Variants in RALGPS1 observed in about 807,000 individuals in gnomAD.
RALGPS1 encodes the protein ras-specific guanine nucleotide-releasing factor RalGPS1.
RALGPS1 carries 19 observed loss-of-function variants against 78.8 expected under a neutral mutation model. The ratio of observed to expected loss-of-function variants is 0.24; its 90% CI spans 0.17 to 0.35. RALGPS1 has a LOEUF of 0.35. Ranked by LOEUF, RALGPS1 falls within the 10% of genes least tolerant of loss-of-function variation. The probability of loss-of-function intolerance (pLI) is 1.00; values close to 1 mark genes in which losing one functional copy is unlikely to be tolerated. For synonymous variants in RALGPS1, 228 were observed against 256.3 expected (o/e 0.89, Z 1.06); for missense variants, 454 against 688.3 (o/e 0.66, Z 3.81).
rs143101643 is a variant in RALGPS1, at chr9:127,180,795, G to T, written c.910+6013G>T. On this transcript the variant is annotated intron_variant, in intron 11 of 18. Transcript: ENST00000259351. ...TTTTATTACATGCATAGACTCTGTC[G>T]GTCAGGAAGCTGAACAGGGCTCCGG... Among the ~76,000 whole-genome samples the T allele has an allele frequency of 3.9e-5, 6 of 152,330 alleles. No individual in the cohort carries two copies. In the South Asian group the frequency reaches 8.3e-4, roughly 21 times the overall value.
At chr9:127,001,654 G>A (rs1373820251) in intron 4 of RALGPS1, among the ~76,000 whole-genome samples, 1 of 152,078 alleles carries the variant, frequency 6.6e-6, no homozygotes, top group Non-Finnish European at 1.5e-5. Flanking sequence ...GGGAGGCTGA[G>A]TTGGGTGGAT....
At chr9:127,008,031 G>C (rs1386346292) in intron 4 of RALGPS1, among the ~76,000 whole-genome samples, 1 of 151,984 alleles carries the variant, frequency 6.6e-6, no homozygotes, top group Non-Finnish European at 1.5e-5. Flanking sequence ...GGAATGTCTA[G>C]GTGCTGTTCT....
chr9:127,014,115 G>T (rs551393074), intron 4 of RALGPS1, among the ~76,000 whole-genome samples: 1 of 152,306 alleles, frequency 6.6e-6, no homozygotes, highest in South Asian at 2.1e-4. Context: ...TGACAGAGCT[G>T]GGGAGCTAAG....
At chr9:126,924,286 A>G (rs1423724865) in intron 1 of RALGPS1, among the ~76,000 whole-genome samples, 2 of 152,234 alleles carry the variant, frequency 1.3e-5, no homozygotes, top group African/African-American at 4.8e-5. Context: ...CTGTATAGGA[A>G]AAGGATGCAA....
chr9:126,941,516 T>C (rs1020533003), intron 1 of RALGPS1, among the ~76,000 whole-genome samples: 2 of 152,124 alleles, frequency 1.3e-5, no homozygotes, highest in Non-Finnish European at 2.9e-5. Flanking sequence ...CCTGCCTACT[T>C]TTCTCTGCTT....
chr9:126,964,950 T>C (rs950205532), intron 2 of RALGPS1, among the ~76,000 whole-genome samples: 2 of 152,230 alleles, frequency 1.3e-5, no homozygotes, highest in African/African-American at 4.8e-5. Flanking sequence ...AAAATCCTTC[T>C]TCGTGAGCTG....
chr9:127,149,044 G>T (rs923552692), intron 8 of RALGPS1, among the ~76,000 whole-genome samples: 1 of 152,192 alleles, frequency 6.6e-6, no homozygotes, highest in African/African-American at 2.4e-5. Flanking sequence ...ACCGTTGTTA[G>T]CCCTGTTTAC....
At chr9:126,946,660 A>G (rs917595391) in intron 1 of RALGPS1, among the ~76,000 whole-genome samples, 23 of 151,828 alleles carry the variant, frequency 1.5e-4, no homozygotes, top group African/African-American at 5.1e-4. Context: ...AAGCTTCACT[A>G]TTCAGGCTTC....
intron 4 of RALGPS1, among the ~76,000 whole-genome samples, chr9:126,996,513 C>T (rs1266461839): frequency 6.6e-6 from 1 of 152,150 alleles, no homozygotes; most frequent in Non-Finnish European, 1.5e-5. Flanking sequence ...AGACCAATAA[C>T]AGGCTCTGAA....
intron 8 of RALGPS1, among the ~76,000 whole-genome samples, chr9:127,119,582 C>T (rs575334533): frequency 7.7e-4 from 117 of 152,294 alleles, no homozygotes; most frequent in Non-Finnish European, 1.3e-3. Context: ...AAAACTAGAA[C>T]CTACCTTCTA....
intron 11 of RALGPS1, chr9:127,178,092 G>A (rs1170153372): frequency 1.6e-6 from 2 of 1,249,170 alleles, no homozygotes; most frequent in Non-Finnish European, 2.2e-6. Flanking sequence ...GGGAAGAAGT[G>A]TTACCAATCC....
intron 8 of RALGPS1, among the ~76,000 whole-genome samples, chr9:127,138,714 C>T (rs553174350): frequency 1.3e-5 from 2 of 152,262 alleles, no homozygotes; most frequent in Admixed American, 1.3e-4. Flanking sequence ...TGTGTGACCT[C>T]AGGTGTCCCC....
intron 1 of RALGPS1, among the ~76,000 whole-genome samples, chr9:126,950,608 T>A (rs1176248757): frequency 2.0e-5 from 3 of 152,010 alleles, no homozygotes; most frequent in Non-Finnish European, 4.4e-5. Flanking sequence ...AGATGTTCTT[T>A]GAAACCAACG....
chr9:127,115,697 T>C (rs892217950), intron 8 of RALGPS1, among the ~76,000 whole-genome samples: 1 of 152,246 alleles, frequency 6.6e-6, no homozygotes, highest in African/African-American at 2.4e-5. Flanking sequence ...GCAGCTTGCA[T>C]GTTACTCACT....
chr9:127,203,000 A>G lies in RALGPS1; in HGVS notation c.1247+3934A>G, dbSNP rs57376952. ...CCAACCTCGGGCCCCTTGGAAACCAACAGGGAAGGGAGCGTTTAGTCAGGA... is the reference window on the plus strand; with the variant it reads ...CCAACCTCGGGCCCCTTGGAAACCAGCAGGGAAGGGAGCGTTTAGTCAGGA... On this transcript the variant is annotated intron_variant, in intron 14 of 18. Transcript: ENST00000259351. Among the ~76,000 whole-genome samples, 958 of 152,340 alleles carry G rather than the reference A, an allele frequency of 6.3e-3. 41 individuals are homozygous for G. In the East Asian group the frequency reaches 0.1, roughly 16 times the overall value.
intron 4 of RALGPS1, among the ~76,000 whole-genome samples, chr9:126,999,029 A>T (rs13283603): frequency 8.1e-5 from 3 of 37,248 alleles, no homozygotes; most frequent in Non-Finnish European, 1.5e-4. Flanking sequence ...TGGGTGGGGG[A>T]GGGGGGAGGG....
intron 11 of RALGPS1, among the ~76,000 whole-genome samples, chr9:127,182,380 C>CCCTTCCTT (rs1564738118): frequency 2.1e-4 from 6 of 28,396 alleles, no homozygotes; most frequent in Admixed American, 1.8e-3. Flanking sequence ...CTCCCTCCCT[C>CCCTTCCTT]CCTCCCTCCC....
At chr9:126,967,882 T>C (rs1345236067) in intron 3 of RALGPS1, among the ~76,000 whole-genome samples, 1 of 152,194 alleles carries the variant, frequency 6.6e-6, no homozygotes, top group Non-Finnish European at 1.5e-5. Context: ...CACTGGAATA[T>C]AAACTTTCTA....
At chr9:127,014,629 C>T (rs1250516305) in intron 4 of RALGPS1, among the ~76,000 whole-genome samples, 1 of 152,072 alleles carries the variant, frequency 6.6e-6, no homozygotes, top group Non-Finnish European at 1.5e-5. Flanking sequence ...ACCCTGTGGT[C>T]CCTCTTGCAG....
Sources: gnomAD v4.1 joint callset for allele counts (sites outside exome capture counted in the v4.1 genomes callset) on GRCh38, gnomAD v4.1.1 for gene constraint, MANE v1.5 for transcripts, NCBI Gene and HGNC (gene_info 2026-07-23, HGNC 2026-07-21) for gene names.